Variants in MYRIP observed in about 807,000 individuals in gnomAD.
MYRIP encodes myosin VIIA and Rab interacting protein.
In MYRIP, 49 loss-of-function variants were observed where a neutral mutation model predicts 98.0. The observed-to-expected ratio is 0.50, with a 90% CI of 0.40 to 0.63. MYRIP has a LOEUF of 0.63. Among genes scored for constraint, MYRIP ranks in the 30% least tolerant of loss-of-function variants. The pLI, the probability that MYRIP is intolerant of heterozygous loss-of-function variation, is 0.00. For missense variants in MYRIP, 1,004 were observed against 1,058.2 expected (o/e 0.95, Z 0.71); for synonymous variants, 404 against 409.5 (o/e 0.99, Z 0.16).
chr3:40,206,495 G>A (rs1951796122), intron 10 of MYRIP, among the ~76,000 whole-genome samples: 1 of 152,108 alleles, frequency 6.6e-6, no homozygotes, highest in African/African-American at 2.4e-5. Context: ...TGTATGTCTT[G>A]ATAATCTTTA....
chr3:40,081,969 A>G (rs1311229790), intron 3 of MYRIP, among the ~76,000 whole-genome samples: 2 of 152,218 alleles, frequency 1.3e-5, no homozygotes, highest in African/African-American at 4.8e-5. Flanking sequence ...GATGTCCTCC[A>G]GGGTCATCCA....
intron 3 of MYRIP, among the ~76,000 whole-genome samples, chr3:40,120,496 C>T (rs961210743): frequency 2.0e-5 from 3 of 152,210 alleles, no homozygotes; most frequent in African/African-American, 7.2e-5. Context: ...AGGCAGCATT[C>T]GATGCAACCC....
chr3:40,021,487 C>G (rs1378639654), intron 2 of MYRIP, among the ~76,000 whole-genome samples: 4 of 152,180 alleles, frequency 2.6e-5, no homozygotes, highest in Non-Finnish European at 5.9e-5. Flanking sequence ...TGTAGAGATC[C>G]TCTGAGCCTG....
intron 3 of MYRIP, among the ~76,000 whole-genome samples, chr3:40,078,337 G>C (rs1358978462): frequency 1.3e-5 from 2 of 152,214 alleles, no homozygotes; most frequent in Non-Finnish European, 2.9e-5. Context: ...AGCCGGCTCT[G>C]GCCTTGGCCA....
chr3:40,105,951 G>C (rs1157993346), intron 3 of MYRIP, among the ~76,000 whole-genome samples: 1 of 151,854 alleles, frequency 6.6e-6, no homozygotes, highest in Non-Finnish European at 1.5e-5. Flanking sequence ...GATTTGGGTG[G>C]GGACACAACC....
At chr3:40,108,374 T>C (rs1949095284) in intron 3 of MYRIP, among the ~76,000 whole-genome samples, 1 of 150,236 alleles carries the variant, frequency 6.7e-6, no homozygotes, top group African/African-American at 2.4e-5. Flanking sequence ...GTAGGGGTCT[T>C]GCAGAGAAGA....
chr3:40,022,925 C>A (rs186148487), intron 2 of MYRIP, among the ~76,000 whole-genome samples: 2 of 152,196 alleles, frequency 1.3e-5, no homozygotes, highest in Non-Finnish European at 2.9e-5. Flanking sequence ...GGAAAAGAGA[C>A]TGGCAGTTAC....
chr3:39,861,677 A>C (rs1450512840), intron 1 of MYRIP, among the ~76,000 whole-genome samples: 1 of 152,172 alleles, frequency 6.6e-6, no homozygotes, highest in African/African-American at 2.4e-5. Context: ...TGAAAAACCC[A>C]CTTTAAGAAT....
intron 1 of MYRIP, among the ~76,000 whole-genome samples, chr3:39,815,174 C>T (rs1022612915): frequency 1.4e-4 from 21 of 152,140 alleles, no homozygotes; most frequent in African/African-American, 5.1e-4. Context: ...GTTCTTATCC[C>T]TCCACGCACC....
At chr3:39,818,452 A>G (rs933413648) in intron 1 of MYRIP, among the ~76,000 whole-genome samples, 9 of 152,106 alleles carry the variant, frequency 5.9e-5, no homozygotes, top group African/African-American at 1.9e-4. Context: ...CAACTTCACT[A>G]TAGAGTTATC....
At position 39,952,665 on chromosome 3, in the gene MYRIP, G is replaced by A. The variant is rs892862148; in HGVS notation, c.110+51739G>A. ...AATACCGCCTCATAGAATGAAATAC[G>A]AAGTGTTTTTTCCTAAACTCTGTTT... is the stretch of plus-strand genomic sequence containing the variant. On this transcript the variant is annotated intron_variant, in intron 2 of 16. Coordinates refer to ENST00000302541, the MANE Select transcript of MYRIP (RefSeq NM_015460.4). Among the ~76,000 whole-genome samples, 12 of 152,086 alleles carry A rather than the reference G, an allele frequency of 7.9e-5. No individual in the cohort carries two copies. The East Asian group carries it at 1.7e-3, about 22-fold the overall frequency.
At chr3:40,055,216 C>T (rs2125842715) in intron 3 of MYRIP, among the ~76,000 whole-genome samples, 1 of 152,268 alleles carries the variant, frequency 6.6e-6, no homozygotes, top group African/African-American at 2.4e-5. Context: ...ACCAATCACA[C>T]CAGTGTTTGA....
At chr3:40,242,327 A>G (rs1315507475) in intron 12 of MYRIP, 1 of 152,034 alleles carries the variant, frequency 6.6e-6, no homozygotes, top group African/African-American at 2.4e-5. Context: ...TTTAGGCACC[A>G]TCACTTTGGC....
intron 9 of MYRIP, among the ~76,000 whole-genome samples, chr3:40,187,057 T>G (rs1171630201): frequency 6.6e-6 from 1 of 152,246 alleles, no homozygotes; most frequent in Non-Finnish European, 1.5e-5. Flanking sequence ...GAATAGTGAC[T>G]ATCAGATACA....
At chr3:40,206,909 T>C (rs1166832656) in intron 10 of MYRIP, among the ~76,000 whole-genome samples, 1 of 152,196 alleles carries the variant, frequency 6.6e-6, no homozygotes, top group Non-Finnish European at 1.5e-5. Flanking sequence ...AAATTAGTCT[T>C]TCATTGTCTG....
At chr3:40,252,077 G>C in intron 16 of MYRIP, 78 bp downstream of exon 16, 1 of 1,133,834 alleles carries the variant, frequency 8.8e-7, no homozygotes, top group East Asian at 2.5e-5. Context: ...TCCTTCTGTA[G>C]CTCCCGCATC....
At position 40,044,070 on chromosome 3, in the gene MYRIP, A is replaced by T; in HGVS notation, c.131A>T (p.Asp44Val). Residue 44 changes from aspartate (D) to valine (V), a missense_variant, in exon 3 of 17, where the codon GAT becomes GTT. By Grantham distance (152) the Asp-to-Val change is radical. This residue lies in a region of MYRIP where 880 missense variants were observed against 907.7 expected (regional missense o/e 0.97). Coordinates refer to ENST00000302541, the MANE Select transcript of MYRIP (RefSeq NM_015460.4). ...CCCAGTGAGCTGAAGCAGAAGCTGG[A>T]TGAGGAAGGCAGCAAGTGCAGCATC... ...ERLSELKQKLDEEGSKCSILS... is the reference protein window; with the variant it reads ...ERLSELKQKLVEEGSKCSILS... 1 of 1,613,956 alleles carries T rather than the reference A, an allele frequency of 6.2e-7. No homozygotes were observed. The highest frequency in any genetic ancestry group is 1.1e-5 in the South Asian group (1 of 91,074).
intron 1 of MYRIP, among the ~76,000 whole-genome samples, chr3:39,876,296 A>G (rs1043968666): frequency 1.3e-5 from 2 of 152,040 alleles, no homozygotes; most frequent in East Asian, 1.9e-4. Flanking sequence ...TCTTTATCCA[A>G]TTTGCCAGTC....
At chr3:39,968,818 G>T (rs1420996914) in intron 2 of MYRIP, among the ~76,000 whole-genome samples, 1 of 151,898 alleles carries the variant, frequency 6.6e-6, no homozygotes, top group Non-Finnish European at 1.5e-5. Flanking sequence ...TCTTTTTTTG[G>T]TTCCATATGA....
Sources: allele counts gnomAD v4.1 joint callset (sites outside exome capture counted in the v4.1 genomes callset), GRCh38; gene constraint gnomAD v4.1.1; regional missense constraint gnomAD v4.1.1; transcripts MANE v1.5; gene names NCBI Gene and HGNC (gene_info 2026-07-23, HGNC 2026-07-21).